The following EZH1 variants were observed in gnomAD, a reference collection of about 807,000 sequenced individuals.
EZH1 encodes enhancer of zeste 1 polycomb repressive complex 2 subunit, also known as histone-lysine N-methyltransferase EZH1.
A neutral mutation model predicts 100.5 loss-of-function variants in EZH1; 33 were observed. The ratio of observed to expected loss-of-function variants is 0.33; its 90% CI spans 0.25 to 0.44. The LOEUF (loss-of-function observed/expected upper bound fraction) is 0.44. EZH1 is among the 20% of genes least tolerant of loss of function. EZH1 has a pLI of 1.00. For missense variants in EZH1, 475 were observed against 928.4 expected, an observed-to-expected ratio of 0.51 and a Z score of 6.35; for synonymous variants, 272 against 313.8, an observed-to-expected ratio of 0.87 and a Z score of 1.41.
intron 1 of EZH1, among the ~76,000 whole-genome samples, chr17:42,737,015 T>C (rs2054078374): frequency 1.3e-5 from 2 of 150,306 alleles, no homozygotes; most frequent in African/African-American, 4.9e-5. Context: ...AGACAGAGTC[T>C]CGCTCTGTCG....
rs565317977 is a variant in EZH1 at position 42,719,339 on chromosome 17, G to A, written c.665-132C>T. 4 of 691,140 alleles carry A rather than the reference G, an allele frequency of 5.8e-6. No individual in the cohort carries two copies. The South Asian group carries it at 6.6e-5, about 11-fold the overall frequency. The allele number at this position is 691,140 out of a possible 1,614,324, so 42.8% of individuals were successfully genotyped here. ...TGTTAACCTAACCACTGATTGTTTG[G>A]AGATATATAAACATCAGTGCTATCT... On this transcript the variant is annotated intron_variant, in intron 7 of 20. Coordinates refer to ENST00000428826, the MANE Select transcript of EZH1 (RefSeq NM_001991.5).
intron 10 of EZH1, 91 bp downstream of exon 10, chr17:42,717,885 G>T: frequency 8.8e-7 from 1 of 1,130,160 alleles, no homozygotes; most frequent in Non-Finnish European, 1.3e-6. Flanking sequence ...TTTTATTTGT[G>T]CTATATGACC....
At chr17:42,708,162 G>A in intron 14 of EZH1, 79 bp from the exon 15 acceptor site, 1 of 1,487,838 alleles carries the variant, frequency 6.7e-7, no homozygotes, top group Non-Finnish European at 9.0e-7. Context: ...CAGCTGCCCT[G>A]ATTCAGAGGA....
At chr17:42,708,823 C>T in intron 14 of EZH1, 53 bp downstream of exon 14, 1 of 1,602,156 alleles carries the variant, frequency 6.2e-7, no homozygotes, top group Non-Finnish European at 8.6e-7. Context: ...GGGTGATGAC[C>T]ACAGAGTGAG....
chr17:42,713,787 T>G (rs886256080), intron 10 of EZH1, among the ~76,000 whole-genome samples: 7 of 152,176 alleles, frequency 4.6e-5, no homozygotes, highest in African/African-American at 1.7e-4. Context: ...AAAAAAGATA[T>G]AATCTATGCA....
At position 42,732,565 on chromosome 17, in the gene EZH1, G is replaced by A. The variant is rs183494452; in HGVS notation, c.-102-1647C>T. ...GGGCAGATGATGAGGTCAGGAGATC[G>A]AGACTATCCTGGCTAAAACAGTGAA... On this transcript the variant is annotated intron_variant, in intron 1 of 20. Transcript: ENST00000428826. 3.2e-3 allele frequency among the ~76,000 whole-genome samples: 481 copies of A among 152,078 alleles called. 4 individuals are homozygous for A. The highest frequency in any genetic ancestry group is 5.0e-3 in the Non-Finnish European group (341 of 67,970).
intron 3 of EZH1, among the ~76,000 whole-genome samples, chr17:42,728,271 G>A (rs764269448): frequency 5.5e-4 from 83 of 150,244 alleles, no homozygotes; most frequent in Non-Finnish European, 9.8e-4. Flanking sequence ...ATGACACCAC[G>A]CCCGGCTAAT....
chr17:42,731,280 GC>G (rs2053943458), intron 1 of EZH1, among the ~76,000 whole-genome samples: 1 of 151,782 alleles, frequency 6.6e-6, no homozygotes. Flanking sequence ...ACCATAGCCG[GC>G]CAAATTTTTT....
At chr17:42,705,020 C>G (rs2053323499) in intron 17 of EZH1, 68 bp downstream of exon 17, 2 of 1,335,434 alleles carry the variant, frequency 1.5e-6, no homozygotes, top group Non-Finnish European at 2.1e-6. Flanking sequence ...AAGCCTGGCC[C>G]ACAGAAAATC....
chr17:42,724,891 A>G (rs1021512981), intron 4 of EZH1, among the ~76,000 whole-genome samples: 1 of 151,270 alleles, frequency 6.6e-6, no homozygotes, highest in African/African-American at 2.4e-5. Flanking sequence ...AAATTTGACC[A>G]GGCATGGTGG....
At chr17:42,705,874 T>A in intron 16 of EZH1, 133 bp downstream of exon 16, 1 of 976,414 alleles carries the variant, frequency 1.0e-6, no homozygotes, top group Non-Finnish European at 1.4e-6. Flanking sequence ...TCAGTAAATA[T>A]GTGTCTTTTA....
At chr17:42,730,948 A>G (rs1347675287) in intron 1 of EZH1, 30 bp from the exon 2 acceptor site, 4 of 963,406 alleles carry the variant, frequency 4.2e-6, no homozygotes, top group African/African-American at 3.5e-5. Flanking sequence ...CAGTGGTTCT[A>G]TTAAGTTAGT....
rs2053314366 is a variant in EZH1, at chr17:42,704,695, G to A, written c.1936-12C>T. 1 of 1,611,196 alleles carries A rather than the reference G, an allele frequency of 6.2e-7. No homozygotes were observed. Among genetic ancestry groups the A allele is most frequent in the Non-Finnish European group, 8.5e-7 (1 of 1,178,238 alleles). On this transcript the variant is annotated splice_polypyrimidine_tract_variant and intron_variant, in intron 17 of 20. Transcript: ENST00000428826. ...TCCTGAGAGATGAGCTAGAGAGATA[G>A]ACAAATAACAAATAGGAGTATCAGG...
chr17:42,742,207 A>G (rs1220921650), intron 1 of EZH1, among the ~76,000 whole-genome samples: 1 of 150,872 alleles, frequency 6.6e-6, no homozygotes, highest in African/African-American at 2.4e-5. Flanking sequence ...CAGTGGTGCA[A>G]TCTCAGCTCA....
rs373386310 is a variant in EZH1 at position 42,709,565 on chromosome 17, G to A, written c.1493+281C>T. On this transcript the variant is annotated intron_variant, in intron 13 of 20. Coordinates refer to ENST00000428826, the MANE Select transcript of EZH1 (RefSeq NM_001991.5). ...CAACAAGGAGAAATGGCTTCAGGGT[G>A]GAGCCATGAGGCCAGCTCATGTCCT... is the stretch of plus-strand genomic sequence containing the variant. 573 of 320,374 alleles carry A rather than the reference G, an allele frequency of 1.8e-3. 6 individuals are homozygous for A. Among genetic ancestry groups the A allele is most frequent in the South Asian group, 9.0e-3 (108 of 12,058 alleles). The allele number at this position is 320,374 out of a possible 1,614,324, so 19.8% of individuals were successfully genotyped here.
rs150353053 is a variant in EZH1, at chr17:42,727,116, C to A, written c.246+519G>T. ...CCATCTGCCTCAGCCTCCCGAAGTG[C>A]TGAGATTACAGGTGTGAGCCACTGC... On this transcript the variant is annotated intron_variant, in intron 4 of 20. Coordinates refer to ENST00000428826, the MANE Select transcript of EZH1 (RefSeq NM_001991.5). Among the ~76,000 whole-genome samples, 517 of 152,214 alleles carry A rather than the reference C, an allele frequency of 3.4e-3. 2 individuals are homozygous for A. Among genetic ancestry groups the A allele is most frequent in the Non-Finnish European group, 5.7e-3 (386 of 68,018 alleles).
At chr17:42,731,913 A>C (rs1487128476) in intron 1 of EZH1, 5 of 152,214 alleles carry the variant, frequency 3.3e-5, no homozygotes, top group Non-Finnish European at 7.3e-5. Flanking sequence ...AACAAAACAA[A>C]ACAAAACAAA....
Position 42,709,927 on chromosome 17 carries a change from A to G in EZH1, c.1412T>C (p.Phe471Ser). 4 of 1,614,138 alleles carry G rather than the reference A, an allele frequency of 2.5e-6. No individual in the cohort carries two copies. The highest frequency in any genetic ancestry group is 3.4e-6 in the Non-Finnish European group (4 of 1,179,992). ...CAGGATAAGTGATTCTTTGACTGCA[A>G]ACTGAAAGACCTGGAAGAGAAATCC... ...GTKTCKQVFQ[F>S]AVKESLILKL... The change falls in exon 13 of 21, where the codon TTT becomes TCT. Residue 471 changes from phenylalanine to serine, a missense_variant. This residue lies in a region of EZH1 where 83 missense variants were observed against 142.1 expected (regional missense o/e 0.58). Coordinates refer to ENST00000428826, the MANE Select transcript of EZH1 (RefSeq NM_001991.5).
intron 10 of EZH1, among the ~76,000 whole-genome samples, chr17:42,715,215 T>G (rs1380292949): frequency 7.0e-6 from 1 of 143,828 alleles, no homozygotes; most frequent in Admixed American, 7.3e-5. Flanking sequence ...ATATAATATA[T>G]ATTATAGATT....
Sources: allele counts gnomAD v4.1 joint callset (sites outside exome capture counted in the v4.1 genomes callset), GRCh38; gene constraint gnomAD v4.1.1; regional missense constraint gnomAD v4.1.1; transcripts MANE v1.5; gene names NCBI Gene and HGNC (gene_info 2026-07-23, HGNC 2026-07-21).